Variants in ZFAT observed in about 807,000 individuals in gnomAD.
ZFAT encodes zinc finger protein ZFAT.
Under a neutral mutation model 117.7 loss-of-function variants are expected in ZFAT, and 64 were observed. That is an observed-to-expected ratio of 0.54 (90% confidence interval 0.44 to 0.67). ZFAT has a LOEUF of 0.67. Ranked by LOEUF, ZFAT falls within the 30% of genes least tolerant of loss-of-function variation. The probability of loss-of-function intolerance (pLI) is 0.00; values close to 1 mark genes in which losing one functional copy is unlikely to be tolerated. For synonymous variants in ZFAT, 679 were observed against 615.0 expected, an observed-to-expected ratio of 1.10 and a Z score of -1.54; for missense variants, 1,433 against 1,584.5, an observed-to-expected ratio of 0.90 and a Z score of 1.62.
At chr8:134,821,523 G>A in the ZFAT span, among the ~76,000 whole-genome samples, 1 of 150,878 alleles carries the variant, frequency 6.6e-6, no homozygotes, top group Non-Finnish European at 1.5e-5. Context: ...GGAAAGGTCT[G>A]TAAACCATGT....
intron 10 of ZFAT, among the ~76,000 whole-genome samples, chr8:134,572,471 T>C (rs1367430342): frequency 6.6e-6 from 1 of 152,206 alleles, no homozygotes; most frequent in Non-Finnish European, 1.5e-5. Flanking sequence ...ATGATACCAA[T>C]GGCTTCTGAA....
In ZFAT at chr8:134,533,099, T is replaced by C; in HGVS notation, c.2977-127A>G. On this transcript the variant is annotated intron_variant, in intron 11 of 15. Coordinates refer to ENST00000377838, the MANE Select transcript of ZFAT (RefSeq NM_020863.4). ...TGAGCAGGCCCCATCACCTGTGATA[T>C]GTTCTAGGGAAAACCACTAGGGCAG... 3.6e-6 allele frequency: 5 copies of C among 1,382,060 alleles called. No individual in the cohort carries two copies. In the South Asian group the frequency reaches 4.3e-5, roughly 12 times the overall value. 85.6% of individuals were successfully genotyped at this position (1,382,060 alleles called of 1,614,324 possible).
chr8:134,792,213 T>C, the ZFAT span: 1 of 152,330 alleles, frequency 6.6e-6, no homozygotes, highest in African/African-American at 2.4e-5. Flanking sequence ...TAACCAATTT[T>C]ATTTGTATTA....
the ZFAT span, among the ~76,000 whole-genome samples, chr8:134,807,491 C>T: frequency 6.6e-6 from 1 of 152,110 alleles, no homozygotes; most frequent in Non-Finnish European, 1.5e-5. Flanking sequence ...ATTTCGCATC[C>T]CTTAAATCTA....
intron 3 of ZFAT, among the ~76,000 whole-genome samples, chr8:134,635,302 T>C (rs1346461269): frequency 6.6e-6 from 1 of 152,156 alleles, no homozygotes; most frequent in Non-Finnish European, 1.5e-5. Context: ...TCTGGAAGAA[T>C]GGAAAGCAGA....
intron 13 of ZFAT, among the ~76,000 whole-genome samples, chr8:134,518,149 T>C (rs1246746498): frequency 6.6e-6 from 1 of 152,206 alleles, no homozygotes; most frequent in Non-Finnish European, 1.5e-5. Context: ...AGTAACTTTC[T>C]ATTTCCCTCA....
chr8:134,629,568 T>C (rs1239903656), intron 3 of ZFAT, among the ~76,000 whole-genome samples: 1 of 152,096 alleles, frequency 6.6e-6, no homozygotes, highest in Non-Finnish European at 1.5e-5. Context: ...TGGGGGTGGA[T>C]TTCCTCCTTA....
In ZFAT at chr8:134,637,629, T is replaced by C. The variant is rs768830003; in HGVS notation, c.280A>G (p.Ile94Val). ...SSTEEELAEN[I>V]VSPTEDSPLA... Reference sequence around the variant, plus strand: ...GGGCTGTCCTCAGTCGGACTCACGATGTTTTCTGCCAGCTCCTCTTCTGTG... The same window carrying C: ...GGGCTGTCCTCAGTCGGACTCACGACGTTTTCTGCCAGCTCCTCTTCTGTG... The change falls in exon 3 of 16, where the codon ATC becomes GTC. Residue 94 changes from isoleucine (I) to valine (V), a missense_variant. Physicochemically the swap from Ile to Val is conservative, Grantham distance 29. Around this residue, in one of 5 missense-constraint regions of ZFAT, gnomAD observed 436 missense variants for 482.0 expected, o/e 0.90. Coordinates refer to ENST00000377838, the MANE Select transcript of ZFAT (RefSeq NM_020863.4). 2 of 1,614,214 alleles carry C rather than the reference T, an allele frequency of 1.2e-6. No homozygotes were observed. Among genetic ancestry groups the C allele is most frequent in the Non-Finnish European group, 1.7e-6 (2 of 1,180,046 alleles).
At chr8:134,483,165 G>A (rs1817438043) in intron 15 of ZFAT, among the ~76,000 whole-genome samples, 1 of 152,116 alleles carries the variant, frequency 6.6e-6, no homozygotes, top group African/African-American at 2.4e-5. Context: ...TGCTCCCACG[G>A]CACCCAATAT....
At chr8:134,655,112 G>C (rs905079029) in intron 2 of ZFAT, among the ~76,000 whole-genome samples, 3 of 152,168 alleles carry the variant, frequency 2.0e-5, no homozygotes, top group Non-Finnish European at 4.4e-5. Context: ...CAGCAGTCGG[G>C]GAACCGTGGC....
the ZFAT span, among the ~76,000 whole-genome samples, chr8:134,752,690 G>T: frequency 6.6e-6 from 1 of 152,122 alleles, no homozygotes; most frequent in African/African-American, 2.4e-5. Context: ...GTACTGGCAG[G>T]TTTGATGTCT....
At chr8:134,527,446 G>T (rs1291057903) in intron 12 of ZFAT, among the ~76,000 whole-genome samples, 2 of 152,186 alleles carry the variant, frequency 1.3e-5, no homozygotes, top group Non-Finnish European at 2.9e-5. Flanking sequence ...ATTATCCAAG[G>T]AAAGTGGATA....
At chr8:134,674,594 T>C (rs1427850275) in intron 1 of ZFAT, 2 of 153,580 alleles carry the variant, frequency 1.3e-5, no homozygotes, top group Non-Finnish European at 2.9e-5. Context: ...CTGACAGCTC[T>C]GAAGAGAGCA....
chr8:134,731,965 T>C, the ZFAT span, among the ~76,000 whole-genome samples: 1 of 152,022 alleles, frequency 6.6e-6, no homozygotes, highest in Non-Finnish European at 1.5e-5. Context: ...GGGCCCAGAG[T>C]GGGTACAAAC....
intron 11 of ZFAT, among the ~76,000 whole-genome samples, chr8:134,537,463 C>T (rs938137016): frequency 2.0e-5 from 3 of 152,182 alleles, no homozygotes; most frequent in Non-Finnish European, 4.4e-5. Flanking sequence ...CGAGGAATCG[C>T]ACAGTGGACC....
At chr8:134,487,777 G>A (rs76904065) in intron 15 of ZFAT, among the ~76,000 whole-genome samples, 4,672 of 152,220 alleles carry the variant, frequency 0.031, 232 homozygotes, top group African/African-American at 0.11. Context: ...CCCCTACAAC[G>A]CTGTGCTGAC....
At chr8:134,796,179 TAA>T in the ZFAT span, 1 of 152,224 alleles carries the variant, frequency 6.6e-6, no homozygotes, top group African/African-American at 2.4e-5. Context: ...TAAATGTAAA[TAA>T]AGTGTTTCCC....
At chr8:134,683,511 T>A (rs1233203569) in intron 1 of ZFAT, among the ~76,000 whole-genome samples, 1 of 151,846 alleles carries the variant, frequency 6.6e-6, no homozygotes, top group Admixed American at 6.6e-5. Flanking sequence ...AAAGGGGAAG[T>A]TGAACTGCTC....
the ZFAT span, chr8:134,795,436 C>T: frequency 6.6e-6 from 1 of 151,248 alleles, no homozygotes; most frequent in Admixed American, 6.6e-5. Flanking sequence ...TGGTGGATAC[C>T]CCTATAATGA....
Sources: allele counts gnomAD v4.1 joint callset (sites outside exome capture counted in the v4.1 genomes callset), GRCh38; gene constraint gnomAD v4.1.1; regional missense constraint gnomAD v4.1.1; transcripts MANE v1.5; gene names NCBI Gene and HGNC (gene_info 2026-07-23, HGNC 2026-07-21).